The following RABL6 variants were observed in gnomAD, a reference collection of about 807,000 sequenced individuals.
RABL6 encodes the protein RAB, member RAS oncogene family like 6.
Under a neutral mutation model 72.9 loss-of-function variants are expected in RABL6, and 28 were observed. The observed-to-expected ratio is 0.38, with a 90% confidence interval of 0.28 to 0.53. The LOEUF (loss-of-function observed/expected upper bound fraction) is 0.53. RABL6 is among the 20% of genes least tolerant of loss of function. RABL6 has a pLI of 0.80. For missense variants in RABL6, 1,029 were observed against 1,008.4 expected, an observed-to-expected ratio of 1.02 and a Z score of -0.28; for synonymous variants, 477 against 421.2, an observed-to-expected ratio of 1.13 and a Z score of -1.62.
Position 136,808,061 on chromosome 9 carries a change from G to A in RABL6, c.-136G>A, listed in dbSNP as rs1847904374. ...CGCTCGGGGCTGCGCTCCGCCGCCG[G>A]GACCCCGGCCTCTGGCCGCGCCGGC... On this transcript the variant is annotated 5_prime_UTR_variant, in exon 1 of 15. Transcript: ENST00000311502. 1 of 1,118,698 alleles carries A rather than the reference G, an allele frequency of 8.9e-7. No individual in the cohort carries two copies. Among genetic ancestry groups the A allele is most frequent in the African/African-American group, 1.7e-5 (1 of 59,694 alleles). The allele number at this position is 1,118,698 out of a possible 1,614,324, so 69.3% of individuals were successfully genotyped here. A position where few individuals can be genotyped will look rare whatever the true frequency, so the allele number is the denominator to read the frequency against.
chr9:136,834,512 C>T (rs1311832647), intron 7 of RABL6: 2 of 945,456 alleles, frequency 2.1e-6, no homozygotes, highest in African/African-American at 3.6e-5. Flanking sequence ...GACGGAGTCT[C>T]ACTCTGTCCA....
At chr9:136,811,132 G>A (rs536492887) in intron 1 of RABL6, among the ~76,000 whole-genome samples, 1 of 152,344 alleles carries the variant, frequency 6.6e-6, no homozygotes, top group African/African-American at 2.4e-5. Flanking sequence ...AGCTGAATAT[G>A]AGTGACCATG....
intron 1 of RABL6, chr9:136,813,606 G>T: frequency 3.2e-6 from 1 of 316,436 alleles, no homozygotes; most frequent in Non-Finnish European, 6.0e-6. Flanking sequence ...AATCTCCACA[G>T]CATCTTCAAA....
At position 136,828,557 on chromosome 9, in the gene RABL6, G is replaced by T; in HGVS notation, c.366+11G>T. 1 of 1,612,992 alleles carries T rather than the reference G, an allele frequency of 6.2e-7. No homozygotes were observed. The highest frequency in any genetic ancestry group is 8.5e-7 in the Non-Finnish European group (1 of 1,179,578). On this transcript the variant is annotated intron_variant, in intron 4 of 14. Transcript: ENST00000311502. ...AACGACCCCCAGGAGGTGAGTGCCAGGTACACAGTGGGTAGCAGTGGCTCA... is the reference window on the plus strand; with the variant it reads ...AACGACCCCCAGGAGGTGAGTGCCATGTACACAGTGGGTAGCAGTGGCTCA...
chr9:136,825,178 G>A (rs556100589), intron 2 of RABL6, among the ~76,000 whole-genome samples: 3 of 152,364 alleles, frequency 2.0e-5, no homozygotes, highest in South Asian at 4.1e-4. Context: ...AGGTGGCTCC[G>A]AAGGGAGGGT....
At chr9:136,832,046 C>G in intron 6 of RABL6, 185 bp downstream of exon 6, 4 of 1,029,708 alleles carry the variant, frequency 3.9e-6, no homozygotes, top group Non-Finnish European at 5.5e-6. Flanking sequence ...GAACTGTGTG[C>G]TGGGGAACTG....
intron 1 of RABL6, among the ~76,000 whole-genome samples, chr9:136,817,644 C>T (rs1301260490): frequency 2.8e-5 from 4 of 145,132 alleles, no homozygotes; most frequent in African/African-American, 5.1e-5. Context: ...CACTTGAGAG[C>T]CGTGTGACTG....
chr9:136,811,988 C>A (rs1362005939), intron 1 of RABL6, among the ~76,000 whole-genome samples: 1 of 152,002 alleles, frequency 6.6e-6, no homozygotes, highest in East Asian at 1.9e-4. Flanking sequence ...GGTTGGCAGG[C>A]CTTGGGATTT....
At chr9:136,819,481 ATG>A (rs768137416) in intron 1 of RABL6, among the ~76,000 whole-genome samples, 8 of 152,198 alleles carry the variant, frequency 5.3e-5, no homozygotes, top group African/African-American at 9.6e-5. Context: ...GCTCGAAAGA[ATG>A]TGAGATTCGA....
Position 136,832,280 on chromosome 9 carries a change from C to A in RABL6, c.615C>A (p.Ser205=). 1 of 1,613,824 alleles carries A rather than the reference C, an allele frequency of 6.2e-7. No individual in the cohort carries two copies. The highest frequency in any genetic ancestry group is 8.5e-7 in the Non-Finnish European group (1 of 1,179,784). The change falls in exon 7 of 15, where the codon TCC becomes TCA. Residue 205 remains serine, a synonymous_variant. Coordinates refer to ENST00000311502, the MANE Select transcript of RABL6 (RefSeq NM_024718.5). The part of the protein sequence containing the change: ...IDNLDRPPGS[S]YFRYAESSMK... ...CTGAAAGCAGACCTCCAGGTTCCTCCTACTTCCGCTATGCTGAGTCTTCCA... is the reference window on the plus strand; with the variant it reads ...CTGAAAGCAGACCTCCAGGTTCCTCATACTTCCGCTATGCTGAGTCTTCCA...
rs1252822352 is a variant in RABL6 at position 136,808,154 on chromosome 9, G to A, written c.-43G>A. On this transcript the variant is annotated 5_prime_UTR_variant, in exon 1 of 15. The change abolishes the stop of an existing upstream ORF in the 5' untranslated region. Transcript: ENST00000311502. Reference sequence around the variant, plus strand: ...GTCGCACCCCTTCCCCGCCGCCGCTGAGCTCGCCGGCCGCGCCCGGGCTGG... The same window carrying A: ...GTCGCACCCCTTCCCCGCCGCCGCTAAGCTCGCCGGCCGCGCCCGGGCTGG... 1 of 1,471,026 alleles carries A rather than the reference G, an allele frequency of 6.8e-7. No individual in the cohort carries two copies. Among genetic ancestry groups the A allele is most frequent in the South Asian group, 1.3e-5 (1 of 77,858 alleles). The allele number at this position is 1,471,026 out of a possible 1,614,324, so 91.1% of individuals were successfully genotyped here.
At chr9:136,825,912 T>G (rs542823713) in intron 3 of RABL6, 86 bp downstream of exon 3, 21 of 1,421,504 alleles carry the variant, frequency 1.5e-5, no homozygotes, top group South Asian at 3.5e-5. Context: ...CCGGCGCCCA[T>G]GCATCACCCA....
rs1384544087 is a variant in RABL6, at chr9:136,839,375, G to A, written c.1647G>A (p.Gln549=). The change falls in exon 12 of 15, where the codon CAG becomes CAA. Residue 549 remains glutamine, a synonymous_variant. Transcript: ENST00000311502. ...AGATGGAGCCGGGGAAGGGTGAGCA[G>A]GCCTCCTCGTCGGAGAGTGACCCCG... ...PAEMEPGKGE[Q]ASSSESDPEG... The A allele has an allele frequency of 6.2e-7, 1 of 1,612,552 alleles. No individual in the cohort carries two copies. Among genetic ancestry groups the A allele is most frequent in the Non-Finnish European group, 8.5e-7 (1 of 1,179,774 alleles).
At chr9:136,812,087 T>C (rs1300873088) in intron 1 of RABL6, among the ~76,000 whole-genome samples, 1 of 152,238 alleles carries the variant, frequency 6.6e-6, no homozygotes, top group East Asian at 1.9e-4. Flanking sequence ...GATTGTTGCC[T>C]GAGTTGGTCT....
chr9:136,837,752 T>C, intron 9 of RABL6, 90 bp downstream of exon 9: 2 of 1,543,852 alleles, frequency 1.3e-6, no homozygotes, highest in Non-Finnish European at 1.7e-6. Context: ...TCCACGCTTC[T>C]TCCTGCTTGT....
intron 8 of RABL6, 158 bp from the exon 9 acceptor site, chr9:136,837,188 T>G: frequency 1.1e-6 from 1 of 873,354 alleles, no homozygotes; most frequent in South Asian, 1.4e-5. Context: ...ACTGCTGCCC[T>G]TGGAAGTGGA....
chr9:136,828,393 C>T lies in RABL6; in HGVS notation c.314-101C>T, dbSNP rs529958161. 83 of 1,229,832 alleles carry T rather than the reference C, an allele frequency of 6.7e-5. No individual in the cohort carries two copies. The Admixed American group carries it at 1.3e-3, about 20-fold the overall frequency. 76.2% of individuals were successfully genotyped at this position (1,229,832 alleles called of 1,614,324 possible). A position where few individuals can be genotyped will look rare whatever the true frequency, so the allele number is the denominator to read the frequency against. On this transcript the variant is annotated intron_variant, in intron 3 of 14. Coordinates refer to ENST00000311502, the MANE Select transcript of RABL6 (RefSeq NM_024718.5). ...GTTTGGGGTGGTGGAGTAGAGCACCCGCTGGAGCTGGGGGCTGAGTGGCCA... is the reference window on the plus strand; with the variant it reads ...GTTTGGGGTGGTGGAGTAGAGCACCTGCTGGAGCTGGGGGCTGAGTGGCCA...
At position 136,828,477 on chromosome 9, in the gene RABL6, G is replaced by C; in HGVS notation, c.314-17G>C. ...CCAGGGGTTCCACCTCGTAATTTTT[G>C]TTTGTTTTTAAATAAGGAAAATGCA... On this transcript the variant is annotated splice_polypyrimidine_tract_variant and intron_variant, in intron 3 of 14. Coordinates refer to ENST00000311502, the MANE Select transcript of RABL6 (RefSeq NM_024718.5). 6.2e-7 allele frequency: 1 copy of C among 1,612,564 alleles called. No homozygotes were observed. Among genetic ancestry groups the C allele is most frequent in the South Asian group, 1.1e-5 (1 of 91,040 alleles).
chr9:136,813,596 A>G (rs2131157807), intron 1 of RABL6: 1 of 332,854 alleles, frequency 3.0e-6, no homozygotes, highest in Non-Finnish European at 5.7e-6. Context: ...TGACTAATCC[A>G]ATCTCCACAG....
Sources: gnomAD v4.1 joint callset for allele counts (sites outside exome capture counted in the v4.1 genomes callset) on GRCh38, gnomAD v4.1.1 for gene constraint, MANE v1.5 for transcripts, NCBI Gene and HGNC (gene_info 2026-07-23, HGNC 2026-07-21) for gene names.